Variants in NYAP2 observed in about 807,000 individuals in gnomAD.
NYAP2 encodes neuronal tyrosine-phosphorylated phosphoinositide-3-kinase adapter 2.
In NYAP2, 23 loss-of-function variants were observed where a neutral mutation model predicts 50.4. That is an observed-to-expected ratio of 0.46 (90% CI 0.33 to 0.65). NYAP2 has a LOEUF of 0.65. NYAP2 is among the 30% of genes least tolerant of loss of function. The probability of loss-of-function intolerance (pLI) is 0.02; values close to 1 mark genes in which losing one functional copy is unlikely to be tolerated. For missense variants in NYAP2, 885 were observed against 861.0 expected (o/e 1.03, Z -0.35); for synonymous variants, 394 against 365.2 (o/e 1.08, Z -0.90).
chr2:225,540,858 T>C (rs1378466383), intron 4 of NYAP2, among the ~76,000 whole-genome samples: 18 of 152,186 alleles, frequency 1.2e-4, no homozygotes, highest in Non-Finnish European at 2.2e-4. Context: ...TTGAGAAATC[T>C]CCAAAGTGTT....
At chr2:225,578,952 G>A (rs1692218062) in intron 4 of NYAP2, among the ~76,000 whole-genome samples, 1 of 152,104 alleles carries the variant, frequency 6.6e-6, no homozygotes, top group Non-Finnish European at 1.5e-5. Context: ...AGCATGGTCG[G>A]TTTCTGATGA....
the NYAP2 span, among the ~76,000 whole-genome samples, chr2:225,668,085 TACG>T: frequency 5.9e-5 from 9 of 152,204 alleles, no homozygotes; most frequent in African/African-American, 2.2e-4. Context: ...CAATCAAGGA[TACG>T]ACATTACATA....
At chr2:225,531,085 G>T (rs1465559049) in intron 4 of NYAP2, among the ~76,000 whole-genome samples, 1 of 152,086 alleles carries the variant, frequency 6.6e-6, no homozygotes. Flanking sequence ...GCACCATTCT[G>T]CTCATTTCAT....
intron 3 of NYAP2, among the ~76,000 whole-genome samples, chr2:225,440,675 A>G (rs1197913436): frequency 6.6e-6 from 1 of 152,244 alleles, no homozygotes; most frequent in Non-Finnish European, 1.5e-5. Flanking sequence ...CACAGACTTG[A>G]GGAAAGACAA....
chr2:225,545,632 A>G (rs1311928573), intron 4 of NYAP2, among the ~76,000 whole-genome samples: 1 of 152,124 alleles, frequency 6.6e-6, no homozygotes, highest in African/African-American at 2.4e-5. Flanking sequence ...CAAAACAGCT[A>G]TTTTGAATTC....
At chr2:225,657,163 T>G (rs1693842623), downstream of NYAP2, among the ~76,000 whole-genome samples, 1 of 145,198 alleles carries the variant, frequency 6.9e-6, no homozygotes, top group South Asian at 2.2e-4. Flanking sequence ...TAGGCTGGCG[T>G]GCAATGATGC....
At chr2:225,470,051 AGG>A (rs1689987770) in intron 3 of NYAP2, among the ~76,000 whole-genome samples, 1 of 152,148 alleles carries the variant, frequency 6.6e-6, no homozygotes, top group Non-Finnish European at 1.5e-5. Context: ...AATAGCTAAC[AGG>A]CCTGTTCTGG....
intron 4 of NYAP2, among the ~76,000 whole-genome samples, chr2:225,573,950 G>A (rs1020057664): frequency 2.0e-5 from 3 of 152,186 alleles, no homozygotes; most frequent in Non-Finnish European, 4.4e-5. Context: ...GACAGAATGT[G>A]TAAAAGCAGG....
intron 4 of NYAP2, among the ~76,000 whole-genome samples, chr2:225,575,301 C>T (rs1261821636): frequency 1.3e-5 from 2 of 152,096 alleles, no homozygotes; most frequent in South Asian, 4.1e-4. Flanking sequence ...GTACCAAAAC[C>T]GGTGTACAAG....
chr2:225,629,288 T>C (rs1693269018), intron 6 of NYAP2, among the ~76,000 whole-genome samples: 1 of 152,202 alleles, frequency 6.6e-6, no homozygotes, highest in Non-Finnish European at 1.5e-5. Context: ...TTCCATTCTA[T>C]TCAAATCCTC....
intron 3 of NYAP2, among the ~76,000 whole-genome samples, chr2:225,471,957 G>C (rs1400728911): frequency 6.8e-6 from 1 of 147,352 alleles, no homozygotes; most frequent in Non-Finnish European, 1.5e-5. Context: ...ATGATAATAA[G>C]ACTGTTTAAT....
chr2:225,593,772 C>G (rs911125867), intron 5 of NYAP2, among the ~76,000 whole-genome samples: 1 of 152,146 alleles, frequency 6.6e-6, no homozygotes, highest in Non-Finnish European at 1.5e-5. Flanking sequence ...AATTAATAGG[C>G]ACACTTAAGA....
At chr2:225,559,110 C>G (rs778704709) in intron 4 of NYAP2, among the ~76,000 whole-genome samples, 22 of 151,964 alleles carry the variant, frequency 1.4e-4, no homozygotes, top group Non-Finnish European at 2.8e-4. Context: ...CCCCTTCTGT[C>G]CTTTTGATGG....
chr2:225,549,541 G>A (rs774711786), intron 4 of NYAP2, among the ~76,000 whole-genome samples: 6 of 152,170 alleles, frequency 3.9e-5, no homozygotes, highest in Non-Finnish European at 7.3e-5. Flanking sequence ...GCTTGAGATG[G>A]TTGCTTGTGG....
intron 3 of NYAP2, among the ~76,000 whole-genome samples, chr2:225,412,538 A>T (rs1457232884): frequency 6.6e-6 from 1 of 152,018 alleles, no homozygotes; most frequent in African/African-American, 2.4e-5. Flanking sequence ...AAAAACTGGC[A>T]TGAAAAGTCC....
intron 3 of NYAP2, among the ~76,000 whole-genome samples, chr2:225,481,516 A>G (rs1456542058): frequency 6.6e-6 from 1 of 152,170 alleles, no homozygotes; most frequent in African/African-American, 2.4e-5. Flanking sequence ...TAAAGAATTT[A>G]ATTGATCATG....
chr2:225,603,698 C>A (rs1028162882), intron 5 of NYAP2, among the ~76,000 whole-genome samples: 2 of 152,170 alleles, frequency 1.3e-5, no homozygotes, highest in African/African-American at 4.8e-5. Flanking sequence ...AAGACCTGAG[C>A]ATCCTGGCAC....
At chr2:225,402,818 G>A (rs749126866) in intron 2 of NYAP2, among the ~76,000 whole-genome samples, 5 of 151,920 alleles carry the variant, frequency 3.3e-5, no homozygotes, top group Non-Finnish European at 4.4e-5. Flanking sequence ...AGGATTTCAA[G>A]CATAATCAAA....
chr2:225,405,033 A>T (rs1468891553), intron 2 of NYAP2, among the ~76,000 whole-genome samples: 1 of 152,070 alleles, frequency 6.6e-6, no homozygotes, highest in African/African-American at 2.4e-5. Flanking sequence ...CAAAGAGAAC[A>T]CATCTGTCTT....
Sources: gnomAD v4.1 joint callset for allele counts (sites outside exome capture counted in the v4.1 genomes callset) on GRCh38, gnomAD v4.1.1 for gene constraint, MANE v1.5 for transcripts, NCBI Gene and HGNC (gene_info 2026-07-23, HGNC 2026-07-21) for gene names.